Variants in FAM234A observed in about 807,000 individuals in gnomAD.
FAM234A encodes the protein family with sequence similarity 234 member A, also known as protein FAM234A.
FAM234A carries 42 observed loss-of-function variants against 49.1 expected under a neutral mutation model. That is an observed-to-expected ratio of 0.86 (90% confidence interval 0.67 to 1.11). FAM234A has a LOEUF of 1.11. Among genes scored for constraint, FAM234A ranks in the 50% least tolerant of loss-of-function variants. FAM234A has a pLI of 0.00. For synonymous variants in FAM234A, 369 were observed against 316.2 expected (o/e 1.17, Z -1.77); for missense variants, 815 against 745.2 (o/e 1.09, Z -1.09).
intron 4 of FAM234A, 31 bp downstream of exon 4, chr16:259,630 C>T (rs1433142566): frequency 1.5e-6 from 2 of 1,342,748 alleles, no homozygotes; most frequent in Non-Finnish European, 2.1e-6. Flanking sequence ...AAAGGCGGAG[C>T]TCCCTGTAGA....
At position 263,380 on chromosome 16, in the gene FAM234A, C is replaced by G; in HGVS notation, c.1090C>G (p.Pro364Ala). The G allele has an allele frequency of 6.2e-7, 1 of 1,610,878 alleles. No individual in the cohort carries two copies. ...DGQELTPRWT[P>A]KAAHVLRKPI... is the part of the protein sequence containing the mutation. Reference sequence around the variant, plus strand: ...GCAGGAGCTGACGCCTCGCTGGACACCCAAGGCAGCCCATGTCCTGAGGTA... The same window carrying G: ...GCAGGAGCTGACGCCTCGCTGGACAGCCAAGGCAGCCCATGTCCTGAGGTA... The change falls in exon 9 of 13, where the codon CCC (proline) becomes GCC (alanine). Residue 364 changes from proline to alanine, a missense_variant. By Grantham distance (27) the Pro-to-Ala change is conservative. Transcript: ENST00000399932.
At chr16:259,451 C>A in intron 3 of FAM234A, 32 bp from the exon 4 acceptor site, 1 of 1,266,426 alleles carries the variant, frequency 7.9e-7, no homozygotes, top group Non-Finnish European at 1.2e-6. Flanking sequence ...AGGCATGGCC[C>A]GCGGAGTATA....
intron 11 of FAM234A, 120 bp downstream of exon 11, chr16:264,291 G>A: frequency 9.1e-7 from 1 of 1,101,260 alleles, no homozygotes; most frequent in Non-Finnish European, 1.3e-6. Flanking sequence ...ATAAGTTGAA[G>A]TCCAGTGACA....
At chr16:238,032 A>C in intron 1 of FAM234A, among the ~76,000 whole-genome samples, 1 of 146,072 alleles carries the variant, frequency 6.8e-6, no homozygotes. Flanking sequence ...TTATTTATTT[A>C]TTTTGAGATG....
chr16:253,586 A>T (rs1362927266), intron 2 of FAM234A, among the ~76,000 whole-genome samples: 1 of 151,056 alleles, frequency 6.6e-6, no homozygotes, highest in African/African-American at 2.4e-5. Flanking sequence ...GCCATTCTCC[A>T]GCCTCAGCCT....
At chr16:263,425 G>A (rs756374915) in intron 9 of FAM234A, 23 bp downstream of exon 9, 199 of 1,603,632 alleles carry the variant, frequency 1.2e-4, no homozygotes, top group Non-Finnish European at 1.6e-4. Context: ...CCCAAGGACC[G>A]CGCAGGTGCT....
At position 264,638 on chromosome 16, in the gene FAM234A, C is replaced by T. The variant is rs781522410; in HGVS notation, c.1369C>T (p.Leu457=). ...ETETGEARHS[L]YMFHPTLPRV... Reference sequence around the variant, plus strand: ...GGAGACCGGGGAGGCCCGGCACAGCCTGTACATGTTCCACCCCACCCTGCC... The same window carrying T: ...GGAGACCGGGGAGGCCCGGCACAGCTTGTACATGTTCCACCCCACCCTGCC... The change falls in exon 12 of 13, where the codon CTG becomes TTG. Residue 457 remains leucine, a synonymous_variant. Coordinates refer to ENST00000399932, the MANE Select transcript of FAM234A (RefSeq NM_032039.4). 3.1e-6 allele frequency: 5 copies of T among 1,611,578 alleles called. No individual in the cohort carries two copies. The highest frequency in any genetic ancestry group is 2.5e-6 in the Non-Finnish European group (3 of 1,179,856).
In FAM234A at chr16:249,551, C is replaced by A. The variant is rs1428846241; in HGVS notation, c.-137C>A. On this transcript the variant is annotated splice_region_variant and 5_prime_UTR_variant, in exon 2 of 13. Transcript: ENST00000399932. The stretch of plus-strand genomic sequence containing the variant: ...ACAAGTGGCTTTATGATCCCTAGGT[C>A]CACCTGGGCTTGCGAAGGCACAGAT... 6.6e-6 allele frequency: 1 copy of A among 152,034 alleles called. No individual in the cohort carries two copies. The highest frequency in any genetic ancestry group is 1.5e-5 in the Non-Finnish European group (1 of 68,062). 9.4% of individuals were successfully genotyped at this position (152,034 alleles called of 1,614,324 possible). A position where few individuals can be genotyped will look rare whatever the true frequency, so the allele number is the denominator to read the frequency against.
chr16:243,778 C>G (rs560451451), intron 1 of FAM234A, among the ~76,000 whole-genome samples: 1 of 152,106 alleles, frequency 6.6e-6, no homozygotes, highest in African/African-American at 2.4e-5. Context: ...GTGGCCAGGC[C>G]GGTGTGAAAG....
rs748774774 is a variant in FAM234A at position 264,929 on chromosome 16, C to A, written c.1566C>A (p.Ser522Arg). Residue 522 changes from serine (S) to arginine (R), a missense_variant, in exon 13 of 13, where the codon AGC (serine) becomes AGA (arginine). By Grantham distance (110) the Ser-to-Arg change is moderately radical (BLOSUM62 -1). Coordinates refer to ENST00000399932, the MANE Select transcript of FAM234A (RefSeq NM_032039.4). ...ACAAGGTGCGGGACCTTGTCCCAAG[C>A]AGCAGGGTGGTCCGCCTGGGTGAGG... ...IKHKVRDLVP[S>R]SRVVRLGEGG... 1 of 1,613,024 alleles carries A rather than the reference C, an allele frequency of 6.2e-7. No individual in the cohort carries two copies. The highest frequency in any genetic ancestry group is 1.3e-5 in the African/African-American group (1 of 75,054).
At chr16:239,105 C>G (rs1007062383) in intron 1 of FAM234A, among the ~76,000 whole-genome samples, 3 of 75,872 alleles carry the variant, frequency 4.0e-5, no homozygotes, top group African/African-American at 1.0e-4. Context: ...AAATACCATC[C>G]TGGCTAACAC....
chr16:237,527 C>T (rs1388659754), intron 1 of FAM234A, among the ~76,000 whole-genome samples: 1 of 152,012 alleles, frequency 6.6e-6, no homozygotes, highest in Non-Finnish European at 1.5e-5. Context: ...TCCAAGATGG[C>T]TCACTCACAA....
In FAM234A at chr16:260,335, G is replaced by A. The variant is rs1229717508; in HGVS notation, c.577+175G>A. ...AAGTGAGGCTGCAAGCGTGTGGAAG[G>A]CACACGCCTCGGCTGCCTTCAGCTG... On this transcript the variant is annotated intron_variant, in intron 5 of 12. Transcript: ENST00000399932. The A allele has an allele frequency of 7.8e-6, 5 of 643,270 alleles. No individual in the cohort carries two copies. In the Admixed American group the frequency reaches 1.0e-4, roughly 13 times the overall value. 39.8% of individuals were successfully genotyped at this position (643,270 alleles called of 1,614,324 possible).
intron 5 of FAM234A, chr16:260,640 T>G (rs1477147613): frequency 2.1e-6 from 1 of 472,620 alleles, no homozygotes; most frequent in Non-Finnish European, 4.4e-6. Context: ...AAAGAATGCG[T>G]GGTGCACGGG....
At chr16:255,854 G>T (rs2051210974) in intron 3 of FAM234A, among the ~76,000 whole-genome samples, 1 of 152,134 alleles carries the variant, frequency 6.6e-6, no homozygotes, top group Non-Finnish European at 1.5e-5. Context: ...GTACAGATGG[G>T]GTTTCTCCGT....
intron 3 of FAM234A, among the ~76,000 whole-genome samples, chr16:257,348 C>T (rs1264730403): frequency 4.2e-5 from 6 of 143,766 alleles, no homozygotes; most frequent in South Asian, 2.2e-4. Flanking sequence ...CGGGTTCAAG[C>T]GATTCTCCTG....
chr16:241,923 A>G (rs1177337731), intron 1 of FAM234A, among the ~76,000 whole-genome samples: 1 of 148,792 alleles, frequency 6.7e-6, no homozygotes, highest in Non-Finnish European at 1.5e-5. Flanking sequence ...AAAAAAAAAA[A>G]GGCAATTAGA....
downstream of FAM234A, among the ~76,000 whole-genome samples, chr16:267,431 C>T (rs575363738): frequency 2.3e-3 from 354 of 152,282 alleles, 3 homozygotes; most frequent in African/African-American, 8.2e-3. Flanking sequence ...ACACACTGCA[C>T]ACATCACATG....
At chr16:263,448 G>A (rs748212359) in intron 9 of FAM234A, 46 bp downstream of exon 9, 51 of 1,594,092 alleles carry the variant, frequency 3.2e-5, no homozygotes, top group East Asian at 9.0e-5. Context: ...ACCCCTTCCC[G>A]GCATCCCGGG....
Sources: gnomAD v4.1 joint callset for allele counts (sites outside exome capture counted in the v4.1 genomes callset) on GRCh38, gnomAD v4.1.1 for gene constraint, MANE v1.5 for transcripts, NCBI Gene and HGNC (gene_info 2026-07-23, HGNC 2026-07-21) for gene names.